The following GMEB2 variants were observed in gnomAD, a reference collection of about 807,000 sequenced individuals.
GMEB2 encodes the protein glucocorticoid modulatory element binding protein 2.
GMEB2 carries 7 observed loss-of-function variants against 45.7 expected under a neutral mutation model. The observed-to-expected ratio is 0.15, with a 90% CI of 0.09 to 0.29. The LOEUF is 0.29. Among genes scored for constraint, GMEB2 ranks in the 10% least tolerant of loss-of-function variants. The probability of loss-of-function intolerance (pLI) is 1.00; values close to 1 mark genes in which losing one functional copy is unlikely to be tolerated. For missense variants in GMEB2, 582 were observed against 739.2 expected (o/e 0.79, Z 2.47); for synonymous variants, 322 against 323.6 (o/e 1.00, Z 0.05).
At chr20:63,622,268 T>C (rs147035961) in intron 1 of GMEB2, among the ~76,000 whole-genome samples, 1 of 152,278 alleles carries the variant, frequency 6.6e-6, no homozygotes, top group Non-Finnish European at 1.5e-5. Flanking sequence ...CAGGAGTGGG[T>C]CCACCCCAAC....
At chr20:63,610,287 C>T (rs546599428) in intron 2 of GMEB2, among the ~76,000 whole-genome samples, 8 of 152,240 alleles carry the variant, frequency 5.3e-5, no homozygotes, top group African/African-American at 9.6e-5. Context: ...TTTGGGAGGC[C>T]GAGGCAGGCG....
At chr20:63,620,271 A>C (rs1444287300) in intron 1 of GMEB2, among the ~76,000 whole-genome samples, 1 of 152,104 alleles carries the variant, frequency 6.6e-6, no homozygotes, top group African/African-American at 2.4e-5. Flanking sequence ...CCCCTGCTAA[A>C]ACCCAGTGAT....
intron 2 of GMEB2, among the ~76,000 whole-genome samples, chr20:63,616,861 A>G (rs1039968599): frequency 2.0e-5 from 3 of 152,198 alleles, no homozygotes; most frequent in Non-Finnish European, 4.4e-5. Context: ...CGTAAAATTC[A>G]TATGTTGAAG....
chr20:63,623,667 A>G (rs1322397824), intron 1 of GMEB2, among the ~76,000 whole-genome samples: 2 of 151,922 alleles, frequency 1.3e-5, no homozygotes, highest in African/African-American at 4.8e-5. Flanking sequence ...GCGCGGTGGC[A>G]GGTGCCTGTA....
At chr20:63,600,818 G>C (rs1167568454) in intron 4 of GMEB2, among the ~76,000 whole-genome samples, 1 of 151,814 alleles carries the variant, frequency 6.6e-6, no homozygotes. Flanking sequence ...TATTAACGTA[G>C]GCTGTCTCTC....
chr20:63,623,918 T>C (rs1436498508), intron 1 of GMEB2, among the ~76,000 whole-genome samples: 5 of 150,304 alleles, frequency 3.3e-5, no homozygotes, highest in Non-Finnish European at 5.9e-5. Flanking sequence ...TAGACCAGCC[T>C]GGCCAACATG....
Position 63,592,470 on chromosome 20 carries a change from C to T in GMEB2, c.829+63G>A. The T allele has an allele frequency of 3.7e-6, 5 of 1,352,766 alleles. No homozygotes were observed. Among genetic ancestry groups the T allele is most frequent in the Non-Finnish European group, 5.2e-6 (5 of 965,300 alleles). The allele number at this position is 1,352,766 out of a possible 1,614,324, so 83.8% of individuals were successfully genotyped here. On this transcript the variant is annotated intron_variant, in intron 8 of 9. Coordinates refer to ENST00000370077, the MANE Select transcript of GMEB2 (RefSeq NM_012384.5). This position sits in a 1 kb window ranked among gnomAD's most constrained non-coding sequence, Gnocchi z 8.2. ...GGCCTAGGGGCAGGAGGGCCAGTGG[C>T]CTCACCTCCTGCAGAGACTCCTGGG...
chr20:63,604,899 G>C (rs2089506909), intron 2 of GMEB2, 59 bp from the exon 3 acceptor site: 1 of 951,644 alleles, frequency 1.1e-6, no homozygotes, highest in African/African-American at 1.6e-5. Flanking sequence ...CAACCTGCAG[G>C]GCACTATTTT....
chr20:63,600,553 A>G (rs1364617140), intron 4 of GMEB2, among the ~76,000 whole-genome samples: 1 of 151,260 alleles, frequency 6.6e-6, no homozygotes, highest in East Asian at 2.0e-4. Context: ...CCCCATCTCT[A>G]CTAAAAATAC....
intron 1 of GMEB2, among the ~76,000 whole-genome samples, chr20:63,620,094 T>C (rs2089635119): frequency 1.3e-5 from 2 of 152,210 alleles, no homozygotes; most frequent in South Asian, 2.1e-4. Context: ...ATTACAGGTT[T>C]CACCATGTTG....
At chr20:63,606,809 G>C (rs918269769) in intron 2 of GMEB2, among the ~76,000 whole-genome samples, 3 of 152,268 alleles carry the variant, frequency 2.0e-5, no homozygotes, top group African/African-American at 7.2e-5. Context: ...CCCAAGCAGG[G>C]GCTCTGGAGA....
chr20:63,626,153 G>A (rs955164770), intron 1 of GMEB2, among the ~76,000 whole-genome samples: 4 of 152,264 alleles, frequency 2.6e-5, no homozygotes, highest in African/African-American at 9.6e-5. Context: ...GGTCCCGCCT[G>A]TGAGCCTACA....
In GMEB2 at chr20:63,592,180, A is replaced by G. The variant is rs2083152867; in HGVS notation, c.830-36T>C. The G allele has an allele frequency of 1.9e-6, 3 of 1,597,456 alleles. No individual in the cohort carries two copies. Among genetic ancestry groups the G allele is most frequent in the Admixed American group, 1.7e-5 (1 of 58,928 alleles). On this transcript the variant is annotated intron_variant, in intron 8 of 9. Transcript: ENST00000370077. This position sits in a 1 kb window ranked among gnomAD's most constrained non-coding sequence, Gnocchi z 8.2. The stretch of plus-strand genomic sequence containing the variant: ...AACGCGGACACTCAGTGAGAGCCCA[A>G]GCCCTTCCTAGAGAGCCACGCGGAC...
chr20:63,617,183 C>T (rs1357922316), intron 2 of GMEB2, among the ~76,000 whole-genome samples: 2 of 152,048 alleles, frequency 1.3e-5, no homozygotes, highest in Non-Finnish European at 2.9e-5. Flanking sequence ...TTTGCCATGT[C>T]GCCCAGGCTG....
chr20:63,588,985 C>G lies in GMEB2; in HGVS notation c.*1104G>C. 1 of 398,878 alleles carries G rather than the reference C, an allele frequency of 2.5e-6. No homozygotes were observed. The highest frequency in any genetic ancestry group is 4.4e-6 in the Non-Finnish European group (1 of 226,246). The allele number at this position is 398,878 out of a possible 1,614,324, so 24.7% of individuals were successfully genotyped here. The stretch of plus-strand genomic sequence containing the variant: ...GCCCTGAGCAGCCCACCCGGGGCAG[C>G]CTCCTGAACACCCAGGGGCTCTCCC... On this transcript the variant is annotated 3_prime_UTR_variant, in exon 10 of 10. Transcript: ENST00000370077.
At chr20:63,603,169 T>C in intron 3 of GMEB2, 77 bp from the exon 4 acceptor site, 4 of 1,509,694 alleles carry the variant, frequency 2.6e-6, no homozygotes, top group Non-Finnish European at 3.6e-6. Context: ...TTCCTGAAAA[T>C]GCAGAAAATA....
Position 63,619,662 on chromosome 20 carries a change from G to A in GMEB2, c.-57-208C>T. On this transcript the variant is annotated intron_variant, in intron 1 of 9. Coordinates refer to ENST00000370077, the MANE Select transcript of GMEB2 (RefSeq NM_012384.5). The surrounding 1 kb of genome is among the most constrained non-coding windows in gnomAD (Gnocchi z 4.6). ...GCGCACTCCACCCGTTTTTCCCACT[G>A]GATAAGCCGAAACCCTTGGGTAGAA... is the stretch of plus-strand genomic sequence containing the variant. 1 of 315,896 alleles carries A rather than the reference G, an allele frequency of 3.2e-6. No homozygotes were observed. Among genetic ancestry groups the A allele is most frequent in the Non-Finnish European group, 6.0e-6 (1 of 167,290 alleles). 19.6% of individuals were successfully genotyped at this position (315,896 alleles called of 1,614,324 possible). A position where few individuals can be genotyped will look rare whatever the true frequency, so the allele number is the denominator to read the frequency against.
rs2083116602 is a variant in GMEB2, at chr20:63,588,745, G to A, written c.*1344C>T. 1 of 398,718 alleles carries A rather than the reference G, an allele frequency of 2.5e-6. No individual in the cohort carries two copies. Among genetic ancestry groups the A allele is most frequent in the Admixed American group, 4.4e-5 (1 of 22,744 alleles). 24.7% of individuals were successfully genotyped at this position (398,718 alleles called of 1,614,324 possible). On this transcript the variant is annotated 3_prime_UTR_variant, in exon 10 of 10. Coordinates refer to ENST00000370077, the MANE Select transcript of GMEB2 (RefSeq NM_012384.5). ...CCTTCAACTGCCGACAGAATCAGCA[G>A]GAGCGTCCAGGGGAATCTGGCACTC...
chr20:63,593,409 C>T lies in GMEB2; in HGVS notation c.620-327G>A, dbSNP rs2236504. Among the ~76,000 whole-genome samples the T allele has an allele frequency of 0.17, 26,083 of 151,756 alleles. 3,076 individuals are homozygous for T. The highest frequency in any genetic ancestry group is 0.5 in the East Asian group (2,524 of 5,098). ...ACTCAACAAGCACTTTCGACTGGAC[C>T]GTCAGGAGCGAGACAAGGTGATCCT... On this transcript the variant is annotated intron_variant, in intron 6 of 9. Coordinates refer to ENST00000370077, the MANE Select transcript of GMEB2 (RefSeq NM_012384.5). This position sits in a 1 kb window ranked among gnomAD's most constrained non-coding sequence, Gnocchi z 4.7.
Sources: gnomAD v4.1 joint callset for allele counts (sites outside exome capture counted in the v4.1 genomes callset) on GRCh38, gnomAD v4.1.1 for gene constraint, Gnocchi (gnomAD v3.1) non-coding constraint, MANE v1.5 for transcripts, NCBI Gene and HGNC (gene_info 2026-07-23, HGNC 2026-07-21) for gene names.